The following OR9Q1 variants were observed in gnomAD, a reference collection of about 807,000 sequenced individuals.
The protein encoded by OR9Q1 is olfactory receptor 9Q1.
For missense variants in OR9Q1, 374 were observed against 378.8 expected (o/e 0.99, Z 0.11); for synonymous variants, 153 against 148.6 (o/e 1.03, Z -0.22).
At chr11:58,142,384 G>A (rs1245414544) in intron 2 of OR9Q1, among the ~76,000 whole-genome samples, 1 of 151,846 alleles carries the variant, frequency 6.6e-6, no homozygotes, top group Non-Finnish European at 1.5e-5. Flanking sequence ...TTTCCCTTTG[G>A]CCAGGATGAT....
At chr11:58,129,241 G>A (rs1320938449) in intron 2 of OR9Q1, among the ~76,000 whole-genome samples, 1 of 79,342 alleles carries the variant, frequency 1.3e-5, no homozygotes, top group African/African-American at 4.5e-5. Context: ...CAATTCGTGT[G>A]TGTGTGTGTG....
intron 2 of OR9Q1, chr11:58,124,780 A>C (rs1335732689): frequency 6.6e-6 from 1 of 152,200 alleles, no homozygotes; most frequent in Admixed American, 6.6e-5. Context: ...CTCTGACCCC[A>C]GAGTTGGAGT....
intron 1 of OR9Q1, among the ~76,000 whole-genome samples, chr11:58,048,679 A>AAAAATATATATATATATATATAT (rs745596668): frequency 7.6e-6 from 1 of 131,398 alleles, no homozygotes; most frequent in African/African-American, 2.8e-5. Flanking sequence ...TAAAAAAAAA[A>AAAAATATATATATATATATATAT]ATATATATAT....
At chr11:58,125,895 G>C (rs139684432) in intron 2 of OR9Q1, among the ~76,000 whole-genome samples, 1 of 152,270 alleles carries the variant, frequency 6.6e-6, no homozygotes, top group Non-Finnish European at 1.5e-5. Context: ...AAGTTACTCA[G>C]TGGTAATATC....
At chr11:58,114,038 A>T (rs542329709) in intron 2 of OR9Q1, among the ~76,000 whole-genome samples, 19 of 152,270 alleles carry the variant, frequency 1.2e-4, no homozygotes, top group Middle Eastern at 3.4e-3. Context: ...CCCACAAAAA[A>T]TGCAATCACC....
intron 2 of OR9Q1, among the ~76,000 whole-genome samples, chr11:58,174,090 A>C (rs868435328): frequency 5.3e-5 from 8 of 152,234 alleles, no homozygotes; most frequent in Middle Eastern, 3.4e-3. Flanking sequence ...CATAAAATAA[A>C]CTTCACTCCT....
rs1854571307 is a variant in OR9Q1, at chr11:58,173,190, GT to G, written c.-14-6238del. Among the ~76,000 whole-genome samples the G allele has an allele frequency of 4.6e-5, 7 of 151,474 alleles. 1 individual carries two copies. The South Asian group carries it at 1.3e-3, about 27-fold the overall frequency. On this transcript the variant is annotated intron_variant, in intron 2 of 2. Coordinates refer to ENST00000335397, the MANE Select transcript of OR9Q1 (RefSeq NM_001005212.4). ...TAGGGTACATGTGCACTATGTGCAGGTTTGTTACATATGTATACATGTGCCA... is the reference window on the plus strand; with the variant it reads ...TAGGGTACATGTGCACTATGTGCAGGTTGTTACATATGTATACATGTGCCA...
At chr11:58,037,700 T>G (rs1565056545) in intron 1 of OR9Q1, among the ~76,000 whole-genome samples, 9 of 7,460 alleles carry the variant, frequency 1.2e-3, no homozygotes, top group Non-Finnish European at 1.6e-3. Flanking sequence ...TTTTTTTTTT[T>G]TTTTTTTTTT....
chr11:58,082,772 AAAAGTT>A (rs1407759582), intron 2 of OR9Q1, among the ~76,000 whole-genome samples: 8 of 138,860 alleles, frequency 5.8e-5, no homozygotes, highest in Non-Finnish European at 3.2e-5. Context: ...AATAATAATA[AAAAGTT>A]AGGTCTTCTT....
At chr11:58,027,351 A>G (rs1477303031) in intron 1 of OR9Q1, among the ~76,000 whole-genome samples, 2 of 152,258 alleles carry the variant, frequency 1.3e-5, no homozygotes, top group Non-Finnish European at 2.9e-5. Flanking sequence ...TCGCTCATGT[A>G]ACAGTCCTGT....
chr11:58,028,626 G>T (rs1446658621), intron 1 of OR9Q1, among the ~76,000 whole-genome samples: 1 of 152,122 alleles, frequency 6.6e-6, no homozygotes, highest in Non-Finnish European at 1.5e-5. Context: ...TTGTTTGGAG[G>T]CTGCTACATT....
intron 2 of OR9Q1, among the ~76,000 whole-genome samples, chr11:58,149,345 G>A (rs888546481): frequency 6.6e-6 from 1 of 152,134 alleles, no homozygotes; most frequent in African/African-American, 2.4e-5. Flanking sequence ...GCTCCTCACT[G>A]TATTCCTGGT....
chr11:58,048,679 A>AAATATATATATATATATAT lies in OR9Q1; in HGVS notation c.-92-7190_-92-7189insATATATATATATATATATA, dbSNP rs745596668. 1.3e-3 allele frequency among the ~76,000 whole-genome samples: 175 copies of AAATATATATATATATATAT among 131,320 alleles called. 1 individual carries two copies. The highest frequency in any genetic ancestry group is 4.7e-3 in the African/African-American group (168 of 35,748). The allele number at this position is 131,320 out of a possible 152,430, so 86.2% of individuals were successfully genotyped here. ...GCAAGGACTCCATCTTAAAAAAAAA[A>AAATATATATATATATATAT]ATATATATATATATATTTTTTAGCA... On this transcript the variant is annotated intron_variant, in intron 1 of 2. Coordinates refer to ENST00000335397, the MANE Select transcript of OR9Q1 (RefSeq NM_001005212.4).
In OR9Q1 at chr11:58,119,204, T is replaced by A. The variant is rs763534778; in HGVS notation, c.-14-60227T>A. On this transcript the variant is annotated intron_variant, in intron 2 of 2. Transcript: ENST00000335397. ...TTGCCTGTGGCCAATGTGGCTAGGA[T>A]CTGAGGGGTGATGACTGAGGTGTAA... 30 of 1,613,906 alleles carry A rather than the reference T, an allele frequency of 1.9e-5. 1 individual carries two copies. The South Asian group carries it at 3.3e-4, about 18-fold the overall frequency.
intron 2 of OR9Q1, among the ~76,000 whole-genome samples, chr11:58,080,994 T>C (rs1013789624): frequency 6.8e-6 from 1 of 147,130 alleles, no homozygotes; most frequent in Non-Finnish European, 1.5e-5. Context: ...CAGGACCCAG[T>C]GTGTGATGTT....
At chr11:58,069,000 G>A (rs1853461266) in intron 2 of OR9Q1, among the ~76,000 whole-genome samples, 2 of 152,104 alleles carry the variant, frequency 1.3e-5, no homozygotes, top group Admixed American at 1.3e-4. Context: ...ATGGCCCAGG[G>A]GAAATTCTGC....
At chr11:58,124,038 T>G (rs920527499) in intron 2 of OR9Q1, among the ~76,000 whole-genome samples, 4 of 152,198 alleles carry the variant, frequency 2.6e-5, no homozygotes, top group African/African-American at 7.2e-5. Flanking sequence ...GATGTTTATC[T>G]AATATGGTAG....
chr11:58,026,311 T>A (rs1357871061), intron 1 of OR9Q1, among the ~76,000 whole-genome samples: 1 of 152,204 alleles, frequency 6.6e-6, no homozygotes, highest in Non-Finnish European at 1.5e-5. Flanking sequence ...AGTTAGATAG[T>A]TGTGAAATTC....
At chr11:58,147,698 A>G (rs1317260773) in intron 2 of OR9Q1, among the ~76,000 whole-genome samples, 1 of 152,202 alleles carries the variant, frequency 6.6e-6, no homozygotes, top group Non-Finnish European at 1.5e-5. Context: ...TTAGGCAATT[A>G]TCTTCTGATT....
Sources: allele counts gnomAD v4.1 joint callset (sites outside exome capture counted in the v4.1 genomes callset), GRCh38; gene constraint gnomAD v4.1.1; transcripts MANE v1.5; gene names NCBI Gene and HGNC (gene_info 2026-07-23, HGNC 2026-07-21).